Variants in VPS13C observed in about 807,000 individuals in gnomAD.
The protein encoded by VPS13C is vacuolar protein sorting 13 homolog C.
Under a neutral mutation model 456.8 loss-of-function variants are expected in VPS13C, and 358 were observed. That is an observed-to-expected ratio of 0.78 (90% confidence interval 0.72 to 0.86). The LOEUF is 0.86. VPS13C is among the 40% of genes least tolerant of loss of function. The pLI is 0.00. For synonymous variants in VPS13C, 1,578 were observed against 1,486.7 expected, an observed-to-expected ratio of 1.06 and a Z score of -1.41; for missense variants, 4,818 against 4,385.4, an observed-to-expected ratio of 1.10 and a Z score of -2.79.
At chr15:61,884,393 TTAAAA>T in intron 67 of VPS13C, 124 bp from the exon 68 acceptor site, 7 of 1,013,414 alleles carry the variant, frequency 6.9e-6, no homozygotes, top group Non-Finnish European at 9.8e-6. Flanking sequence ...AAGGGACTTC[TTAAAA>T]TAACGAACTA....
At chr15:62,057,275 A>G (rs2048834383) in intron 1 of VPS13C, among the ~76,000 whole-genome samples, 1 of 152,236 alleles carries the variant, frequency 6.6e-6, no homozygotes, top group Admixed American at 6.5e-5. Flanking sequence ...AAAGAAGATT[A>G]TATAGAATTT....
intron 9 of VPS13C, among the ~76,000 whole-genome samples, chr15:62,014,995 G>A (rs1472596180): frequency 6.6e-6 from 1 of 152,030 alleles, no homozygotes; most frequent in Non-Finnish European, 1.5e-5. Flanking sequence ...AGATACAAAG[G>A]GACAAACAGC....
At position 62,033,429 on chromosome 15, in the gene VPS13C, A is replaced by C. The variant is rs776768168; in HGVS notation, c.385+12T>G. ...TAGGTATGTCTAAGTTTATCTCAAA[A>C]AAACTTTTTACCTTTTTCTGCTGCT... On this transcript the variant is annotated intron_variant, in intron 5 of 84. Transcript: ENST00000644861. 1.9e-6 allele frequency: 3 copies of C among 1,579,736 alleles called. No homozygotes were observed. In the Admixed American group the frequency reaches 5.3e-5, roughly 28 times the overall value.
Position 61,890,404 on chromosome 15 carries a change from GGAA to G in VPS13C, c.9106-7_9106-5del. ...ATGGAAACTGTCCACATCCATCCTG[GGAA>G]GAAGAAAGACTTCATTAAACCCACA... On this transcript the variant is annotated splice_polypyrimidine_tract_variant and splice_region_variant and intron_variant, in intron 66 of 84. Transcript: ENST00000644861. 1 of 1,611,616 alleles carries G rather than the reference GGAA, an allele frequency of 6.2e-7. No homozygotes were observed. The highest frequency in any genetic ancestry group is 8.5e-7 in the Non-Finnish European group (1 of 1,178,300).
chr15:61,880,992 C>A, intron 71 of VPS13C, 38 bp from the exon 72 acceptor site: 1 of 1,494,298 alleles, frequency 6.7e-7, no homozygotes, highest in Non-Finnish European at 9.1e-7. Context: ...GGATTTCTAC[C>A]AAATCTTTTA....
chr15:62,037,432 A>G (rs1674526260), intron 3 of VPS13C, among the ~76,000 whole-genome samples: 1 of 81,510 alleles, frequency 1.2e-5, no homozygotes, highest in Admixed American at 1.9e-4. Context: ...ATATATAAAT[A>G]TAATATATAT....
In VPS13C at chr15:61,918,222, A is replaced by G. The variant is rs2043535692; in HGVS notation, c.7674T>C (p.Tyr2558=). 2.5e-6 allele frequency: 4 copies of G among 1,591,818 alleles called. No homozygotes were observed. In the Admixed American group the frequency reaches 5.4e-5, roughly 21 times the overall value. Residue 2558 remains tyrosine (Y), a synonymous_variant, in exon 59 of 85, where the codon TAT becomes TAC. Transcript: ENST00000644861. ...ATAGCTTAACATTCTTAACAAATTT[A>G]TAGATGATAAATGCAATGGAGAAAT... ...KNHFSIAFII[Y]KFVKNVKLLE... is the part of the protein sequence containing the mutation.
At chr15:62,047,556 A>C (rs1276465703) in intron 1 of VPS13C, among the ~76,000 whole-genome samples, 1 of 152,230 alleles carries the variant, frequency 6.6e-6, no homozygotes, top group African/African-American at 2.4e-5. Flanking sequence ...AAATAAGAAT[A>C]ATACATTCTC....
chr15:61,938,599 A>G (rs1314946087), intron 47 of VPS13C, among the ~76,000 whole-genome samples: 1 of 152,200 alleles, frequency 6.6e-6, no homozygotes, highest in Admixed American at 6.5e-5. Context: ...TAAAGTAATT[A>G]TAATACTTTG....
chr15:62,009,964 G>A (rs2046984675), intron 13 of VPS13C, among the ~76,000 whole-genome samples: 1 of 152,148 alleles, frequency 6.6e-6, no homozygotes, highest in South Asian at 2.1e-4. Flanking sequence ...GAGGCGGGCA[G>A]ATCATGAGGT....
rs563060948 is a variant in VPS13C at position 61,910,477 on chromosome 15, T to G, written c.8716-172A>C. ...AAGATTACTGACAATATAATGACCA[T>G]GAAACCAAAGAAATCACATCAGGAG... is the stretch of plus-strand genomic sequence containing the variant. On this transcript the variant is annotated intron_variant, in intron 63 of 84. Transcript: ENST00000644861. 7.9e-5 allele frequency among the ~76,000 whole-genome samples: 12 copies of G among 152,226 alleles called. No individual in the cohort carries two copies. The South Asian group carries it at 1.0e-3, about 13-fold the overall frequency.
chr15:61,867,947 G>A lies in VPS13C; in HGVS notation c.10863+712C>T. 1 of 1,582,532 alleles carries A rather than the reference G, an allele frequency of 6.3e-7. No homozygotes were observed. The highest frequency in any genetic ancestry group is 8.7e-7 in the Non-Finnish European group (1 of 1,153,090). On this transcript the variant is annotated intron_variant, in intron 81 of 84. Transcript: ENST00000644861. The surrounding 1 kb of genome is among the most constrained non-coding windows in gnomAD (Gnocchi z 5.0). ...ATTTATTCCTGTATTTCCAGTTCTT[G>A]CTGTGCAGGCAGAAAAACAAAGAAA... is the stretch of plus-strand genomic sequence containing the variant.
chr15:62,034,904 C>A, intron 4 of VPS13C, 53 bp downstream of exon 4: 2 of 1,211,826 alleles, frequency 1.7e-6, no homozygotes, highest in Non-Finnish European at 1.2e-6. Flanking sequence ...ACTCAGATAA[C>A]AATTTAATTT....
chr15:61,929,767 T>C lies in VPS13C; in HGVS notation c.6039-19A>G. On this transcript the variant is annotated intron_variant, in intron 50 of 84. Coordinates refer to ENST00000644861, the MANE Select transcript of VPS13C (RefSeq NM_020821.3). ...AATCATTCTGAAAAAAAACATGCTA[T>C]TCATTATTTTATTCTTGCTAAAACA... 1 of 1,595,220 alleles carries C rather than the reference T, an allele frequency of 6.3e-7. No individual in the cohort carries two copies. The highest frequency in any genetic ancestry group is 8.6e-7 in the Non-Finnish European group (1 of 1,167,772).
At chr15:61,905,624 T>C (rs1205796728) in intron 66 of VPS13C, among the ~76,000 whole-genome samples, 2 of 152,130 alleles carry the variant, frequency 1.3e-5, no homozygotes, top group East Asian at 3.8e-4. Context: ...TGATATGTCC[T>C]CAATAAAATG....
At chr15:62,030,091 A>C (rs1230690863) in intron 5 of VPS13C, among the ~76,000 whole-genome samples, 1 of 152,114 alleles carries the variant, frequency 6.6e-6, no homozygotes, top group African/African-American at 2.4e-5. Flanking sequence ...ACAGGGTGGT[A>C]CAGAGTACCA....
intron 73 of VPS13C, 98 bp from the exon 74 acceptor site, chr15:61,878,844 C>T (rs1895652281): frequency 7.1e-6 from 9 of 1,269,442 alleles, no homozygotes; most frequent in East Asian, 2.6e-5. Context: ...AAAAGTCTTT[C>T]GATTAGAGTC....
intron 3 of VPS13C, among the ~76,000 whole-genome samples, chr15:62,038,331 G>A (rs2048130668): frequency 6.6e-6 from 1 of 152,192 alleles, no homozygotes; most frequent in Non-Finnish European, 1.5e-5. Flanking sequence ...ACTCACACCT[G>A]TAATCCCAGC....
At chr15:61,900,354 T>C (rs1429424386) in intron 66 of VPS13C, among the ~76,000 whole-genome samples, 4 of 152,118 alleles carry the variant, frequency 2.6e-5, no homozygotes, top group Admixed American at 1.3e-4. Flanking sequence ...GATTGTATAT[T>C]TAGAAAACCC....
Sources: allele counts gnomAD v4.1 joint callset (sites outside exome capture counted in the v4.1 genomes callset), GRCh38; gene constraint gnomAD v4.1.1; non-coding constraint Gnocchi (gnomAD v3.1); transcripts MANE v1.5; gene names NCBI Gene and HGNC (gene_info 2026-07-23, HGNC 2026-07-21).